The following DNAH17 variants were observed in gnomAD, a reference collection of about 807,000 sequenced individuals.
DNAH17 encodes axonemal beta dynein heavy chain 17.
DNAH17 carries 376 observed loss-of-function variants against 485.6 expected under a neutral mutation model. That is an observed-to-expected ratio of 0.77 (90% CI 0.71 to 0.84). The LOEUF is 0.84. Among genes scored for constraint, DNAH17 ranks in the 40% least tolerant of loss-of-function variants. The probability of loss-of-function intolerance (pLI) is 0.00; values close to 1 mark genes in which losing one functional copy is unlikely to be tolerated. For synonymous variants in DNAH17, 3,031 were observed against 2,405.9 expected (o/e 1.26, Z -7.60); for missense variants, 6,370 against 5,839.3 (o/e 1.09, Z -2.96).
chr17:78,453,123 A>G (rs945184034), intron 65 of DNAH17, among the ~76,000 whole-genome samples: 4 of 152,192 alleles, frequency 2.6e-5, no homozygotes, highest in Non-Finnish European at 5.9e-5. Context: ...ATCACTGATA[A>G]AATGTTGGCG....
In DNAH17 at chr17:78,451,651, C is replaced by T. The variant is rs2087559448; in HGVS notation, c.10552G>A (p.Glu3518Lys). Residue 3518 changes from glutamate (E) to lysine (K), a missense_variant, in exon 66 of 81, where the codon GAG (glutamate) becomes AAG (lysine). Glu to Lys is a moderately conservative substitution (Grantham distance 56, BLOSUM62 1). Transcript: ENST00000389840. The stretch of plus-strand genomic sequence containing the variant: ...CGGAACTTGGGGTGGTACTCCACCT[C>T]CTTGTCACCGATCTTAATGTACCTG... The part of the protein sequence containing the change: ...KGKYIKIGDK[E>K]VEYHPKFRLI... 6.3e-7 allele frequency: 1 copy of T among 1,580,158 alleles called. No homozygotes were observed. The highest frequency in any genetic ancestry group is 1.4e-5 in the African/African-American group (1 of 73,422).
intron 14 of DNAH17, among the ~76,000 whole-genome samples, chr17:78,554,113 T>C (rs1210885430): frequency 6.6e-6 from 1 of 152,086 alleles, no homozygotes; most frequent in Non-Finnish European, 1.5e-5. Context: ...GAAGTTCAGT[T>C]ATACAACAGA....
intron 29 of DNAH17, 25 bp downstream of exon 29, chr17:78,507,253 T>TG (rs1449296128): frequency 2.5e-6 from 4 of 1,612,618 alleles, no homozygotes; most frequent in Non-Finnish European, 3.4e-6. Flanking sequence ...CTGACTCCCC[T>TG]GGTCTGGATA....
intron 71 of DNAH17, among the ~76,000 whole-genome samples, chr17:78,442,644 G>C (rs911055209): frequency 2.7e-5 from 4 of 149,364 alleles, no homozygotes; most frequent in African/African-American, 9.9e-5. Context: ...GGGTTCGTCA[G>C]ACCTCACCAC....
intron 77 of DNAH17, 25 bp from the exon 78 acceptor site, chr17:78,427,133 C>T (rs1439742091): frequency 1.3e-6 from 2 of 1,557,056 alleles, no homozygotes; most frequent in African/African-American, 1.4e-5. Flanking sequence ...CCGGACAGCC[C>T]CTGTCACTGC....
intron 27 of DNAH17, among the ~76,000 whole-genome samples, 180 bp from the exon 28 acceptor site, chr17:78,507,985 T>G (rs932471023): frequency 2.0e-5 from 3 of 152,074 alleles, no homozygotes; most frequent in Non-Finnish European, 4.4e-5. Flanking sequence ...CAATGATGGA[T>G]GCATGCGATC....
chr17:78,468,003 T>C (rs1448268626), intron 55 of DNAH17, among the ~76,000 whole-genome samples: 1 of 122,392 alleles, frequency 8.2e-6, no homozygotes, highest in Admixed American at 9.7e-5. Context: ...GGGCGACAAG[T>C]GAAACTCCAT....
intron 66 of DNAH17, 84 bp downstream of exon 66, chr17:78,451,385 C>A (rs1175611269): frequency 7.5e-7 from 1 of 1,326,380 alleles, no homozygotes; most frequent in African/African-American, 1.5e-5. Flanking sequence ...GACTGGCAGC[C>A]CTGGTCGGGG....
In DNAH17 at chr17:78,514,900, G is replaced by C. The variant is rs1307137257; in HGVS notation, c.3987C>G (p.Thr1329=). 1 of 1,613,928 alleles carries C rather than the reference G, an allele frequency of 6.2e-7. No individual in the cohort carries two copies. The highest frequency in any genetic ancestry group is 8.5e-7 in the Non-Finnish European group (1 of 1,179,914). The change falls in exon 26 of 81, where the codon ACC becomes ACG. Residue 1329 remains threonine (T), a synonymous_variant. Transcript: ENST00000389840. ...DMRSLDKEMK[T]WDAFVGLDNT... The stretch of plus-strand genomic sequence containing the variant: ...TGTCGAGCCCCACGAAGGCATCCCA[G>C]GTTTTCATCTCCTTGTCCAAAGACC...
In DNAH17 at chr17:78,476,670, G is replaced by A. The variant is rs1344189038; in HGVS notation, c.8056C>T (p.His2686Tyr). 18 of 1,613,016 alleles carry A rather than the reference G, an allele frequency of 1.1e-5. No individual in the cohort carries two copies. The highest frequency in any genetic ancestry group is 2.7e-5 in the African/African-American group (2 of 74,914). The change falls in exon 52 of 81, where the codon CAT becomes TAT. Residue 2686 changes from histidine (H) to tyrosine (Y), a missense_variant. His to Tyr is a moderately conservative substitution (Grantham distance 83). Transcript: ENST00000389840. ...TPLDLVRLWL[H>Y]ETERVYGDKM... ...TCACCATACACTCGTTCAGTCTCAT[G>A]TAGCCAAAGGCGGACGAGGTCCAGT...
At chr17:78,529,929 G>A (rs915238647) in intron 21 of DNAH17, among the ~76,000 whole-genome samples, 1 of 152,200 alleles carries the variant, frequency 6.6e-6, no homozygotes, top group Non-Finnish European at 1.5e-5. Flanking sequence ...CAAGTCCCAA[G>A]CTACGGCCAC....
chr17:78,484,739 A>ACCCCCCCGCCCCCCCCCCCCCCC, intron 48 of DNAH17, 129 bp downstream of exon 48: 3 of 347,790 alleles, frequency 8.6e-6, no homozygotes, highest in Admixed American at 1.4e-4. Flanking sequence ...ACGTTGCAGC[A>ACCCCCCCGCCCCCCCCCCCCCCC]CCCCCCCCAC....
In DNAH17 at chr17:78,437,676, C is replaced by T. The variant is rs755265308; in HGVS notation, c.11998G>A (p.Ala4000Thr). ...AGGTCCAGGGCCTTGTGCAAGTTGG[C>T]GTGCATGCCCGTGGGGGGCTCGTTG... ...ITNEPPTGMHANLHKALDLFT... is the reference protein window; with the variant it reads ...ITNEPPTGMHTNLHKALDLFT... Residue 4000 changes from alanine to threonine, a missense_variant, in exon 74 of 81, where the codon GCC becomes ACC. Ala to Thr is a moderately conservative substitution (Grantham distance 58). Transcript: ENST00000389840. The T allele has an allele frequency of 9.3e-6, 15 of 1,611,078 alleles. No homozygotes were observed. The highest frequency in any genetic ancestry group is 2.2e-5 in the South Asian group (2 of 90,872).
chr17:78,530,965 C>G (rs2091219405), intron 20 of DNAH17, among the ~76,000 whole-genome samples: 1 of 152,240 alleles, frequency 6.6e-6, no homozygotes, highest in Non-Finnish European at 1.5e-5. Flanking sequence ...GCATTGGGAA[C>G]AGAGCTAGAG....
chr17:78,553,349 T>G lies in DNAH17; in HGVS notation c.2179-544A>C, dbSNP rs556171553. On this transcript the variant is annotated intron_variant, in intron 14 of 80. Coordinates refer to ENST00000389840, the MANE Select transcript of DNAH17 (RefSeq NM_173628.4). The stretch of plus-strand genomic sequence containing the variant: ...TGGAGTCTCACTCTGTCACCCAGGC[T>G]GGAGTACAGTGGCGTGATCTTGGCT... Among the ~76,000 whole-genome samples, 3 of 127,204 alleles carry G rather than the reference T, an allele frequency of 2.4e-5. No homozygotes were observed. The East Asian group carries it at 8.5e-4, about 36-fold the overall frequency. The allele number at this position is 127,204 out of a possible 152,430, so 83.5% of individuals were successfully genotyped here.
At chr17:78,469,034 G>T (rs1598507204) in intron 54 of DNAH17, among the ~76,000 whole-genome samples, 151 bp from the exon 55 acceptor site, 1 of 152,390 alleles carries the variant, frequency 6.6e-6, no homozygotes, top group East Asian at 1.9e-4. Flanking sequence ...CACAATCTCG[G>T]CTCACTGCAA....
chr17:78,479,873 T>A (rs1195741641), intron 49 of DNAH17, among the ~76,000 whole-genome samples: 2 of 152,176 alleles, frequency 1.3e-5, no homozygotes, highest in Non-Finnish European at 2.9e-5. Context: ...AGGCAAGAGA[T>A]GGGCTCAGAG....
intron 30 of DNAH17, among the ~76,000 whole-genome samples, chr17:78,506,235 G>C (rs770114706): frequency 6.8e-6 from 1 of 147,794 alleles, no homozygotes; most frequent in Non-Finnish European, 1.5e-5. Context: ...TCTGCCTCTC[G>C]GGTTCAAGCA....
chr17:78,548,202 C>CTTTTTTTT (rs34701814), intron 16 of DNAH17, among the ~76,000 whole-genome samples: 7,036 of 79,974 alleles, frequency 0.088, 1,140 homozygotes, highest in East Asian at 0.14. Context: ...ATGTCATGGC[C>CTTTTTTTT]TTTTTTTTTT....
Sources: gnomAD v4.1 joint callset for allele counts (sites outside exome capture counted in the v4.1 genomes callset) on GRCh38, gnomAD v4.1.1 for gene constraint, MANE v1.5 for transcripts, NCBI Gene and HGNC (gene_info 2026-07-23, HGNC 2026-07-21) for gene names.